RASGRP3: variants seen among roughly 807,000 people sequenced by gnomAD.
The protein encoded by RASGRP3 is RAS guanyl releasing protein 3.
In RASGRP3, 54 loss-of-function variants were observed where a neutral mutation model predicts 82.7. The ratio of observed to expected loss-of-function variants is 0.65; its 90% CI spans 0.52 to 0.82. The LOEUF is 0.82. Ranked by LOEUF, RASGRP3 falls within the 40% of genes least tolerant of loss-of-function variation. The pLI, the probability that RASGRP3 is intolerant of heterozygous loss-of-function variation, is 0.00. For missense variants in RASGRP3, 861 were observed against 828.9 expected (o/e 1.04, Z -0.48); for synonymous variants, 309 against 300.5 (o/e 1.03, Z -0.29).
chr2:33,521,559 C>A (rs1444656088), intron 6 of RASGRP3, among the ~76,000 whole-genome samples: 3 of 152,222 alleles, frequency 2.0e-5, no homozygotes, highest in East Asian at 3.8e-4. Context: ...TTATAACAAG[C>A]TTTTCAGATA....
intron 11 of RASGRP3, among the ~76,000 whole-genome samples, chr2:33,536,942 G>A (rs1479020714): frequency 2.0e-5 from 3 of 152,188 alleles, no homozygotes; most frequent in African/African-American, 7.2e-5. Flanking sequence ...AGCAGTTGCT[G>A]TCCATGGATG....
intron 1 of RASGRP3, chr2:33,481,102 A>G (rs1296087503): frequency 8.5e-5 from 13 of 152,212 alleles, no homozygotes; most frequent in Admixed American, 7.9e-4. Flanking sequence ...GCTCAACTAT[A>G]TCTCTTGTCT....
chr2:33,459,732 G>A (rs1437728185), intron 2 of RASGRP3, among the ~76,000 whole-genome samples: 1 of 152,144 alleles, frequency 6.6e-6, no homozygotes. Context: ...CAGTATAAAT[G>A]CAATGAAGCC....
Position 33,523,973 on chromosome 2 carries a change from G to A in RASGRP3, c.611G>A (p.Trp204Ter). The A allele has an allele frequency of 6.2e-7, 1 of 1,613,906 alleles. No individual in the cohort carries two copies. Among genetic ancestry groups the A allele is most frequent in the Non-Finnish European group, 8.5e-7 (1 of 1,179,824 alleles). The change falls in exon 8 of 18, where the codon TGG becomes TAG. Residue 204 changes from tryptophan (W) to a stop codon, truncating the protein, a stop_gained. Transcript: ENST00000403687. LOFTEE classifies it high-confidence loss of function. ...GCTTTATTTAATGGAATCTCTAAGT[G>A]GGTCCAGTTGATGGTTCTTAGCAAA... Reference protein sequence around the residue: ...SIALFNGISKWVQLMVLSKPT... With the variant: ...SIALFNGISK
intron 10 of RASGRP3, among the ~76,000 whole-genome samples, chr2:33,528,393 C>A (rs1324851531): frequency 6.6e-6 from 1 of 152,168 alleles, no homozygotes; most frequent in Non-Finnish European, 1.5e-5. Flanking sequence ...CTTTTAGACA[C>A]AACGGTGTAT....
At position 33,558,348 on chromosome 2, in the gene RASGRP3, T is replaced by C; in HGVS notation, c.1705+12T>C. On this transcript the variant is annotated intron_variant, in intron 16 of 17. Coordinates refer to ENST00000403687, the MANE Select transcript of RASGRP3 (RefSeq NM_001139488.2). ...CTCGCTGCCCCCAGGTAATGCCCTC[T>C]GCTTTCTTTGCTGCCATGGTCTCTT... The C allele has an allele frequency of 2.5e-6, 4 of 1,612,854 alleles. No individual in the cohort carries two copies. Among genetic ancestry groups the C allele is most frequent in the Non-Finnish European group, 3.4e-6 (4 of 1,179,872 alleles).
At chr2:33,498,250 A>G (rs1669517551) in intron 1 of RASGRP3, among the ~76,000 whole-genome samples, 1 of 152,308 alleles carries the variant, frequency 6.6e-6, no homozygotes, top group East Asian at 1.9e-4. Context: ...TAGTTCTCAT[A>G]ACAACCCTAC....
chr2:33,484,597 G>A (rs1668207261), intron 1 of RASGRP3, among the ~76,000 whole-genome samples: 2 of 151,768 alleles, frequency 1.3e-5, no homozygotes, highest in South Asian at 4.2e-4. Context: ...AGATTTCTCT[G>A]TAATCCATTT....
At chr2:33,441,767 T>G (rs1665237700) in intron 1 of RASGRP3, among the ~76,000 whole-genome samples, 1 of 152,362 alleles carries the variant, frequency 6.6e-6, no homozygotes, top group South Asian at 2.1e-4. Flanking sequence ...AATATTTACT[T>G]CAAAATACAC....
At chr2:33,547,053 GAAAAAAA>G (rs767124838) in intron 13 of RASGRP3, among the ~76,000 whole-genome samples, 2,225 of 123,906 alleles carry the variant, frequency 0.018, 66 homozygotes, top group African/African-American at 0.062. Context: ...CTGTCTCAGG[GAAAAAAA>G]AAAAAAAAAA....
At chr2:33,531,403 G>C (rs1673097990) in intron 10 of RASGRP3, among the ~76,000 whole-genome samples, 2 of 152,348 alleles carry the variant, frequency 1.3e-5, no homozygotes, top group South Asian at 4.1e-4. Flanking sequence ...GAGGAGATCT[G>C]AGAGAGGAAG....
intron 1 of RASGRP3, among the ~76,000 whole-genome samples, chr2:33,503,062 A>G (rs1574359581): frequency 6.6e-6 from 1 of 152,306 alleles, no homozygotes; most frequent in African/African-American, 2.4e-5. Flanking sequence ...CCATATGTAA[A>G]TCTGTTATTA....
At chr2:33,471,548 T>C (rs1374050130) in intron 2 of RASGRP3, among the ~76,000 whole-genome samples, 1 of 152,014 alleles carries the variant, frequency 6.6e-6, no homozygotes, top group East Asian at 1.9e-4. Context: ...TTCTTTATTA[T>C]GCTTTATCAG....
At chr2:33,543,697 G>C (rs534105048) in intron 13 of RASGRP3, 70 bp downstream of exon 13, 1 of 1,111,758 alleles carries the variant, frequency 9.0e-7, no homozygotes. Flanking sequence ...GAGGAGAGAA[G>C]GGAAACTTGT....
intron 1 of RASGRP3, among the ~76,000 whole-genome samples, chr2:33,490,675 T>G (rs7561821): frequency 0.44 from 66,684 of 152,058 alleles, 15,502 homozygotes; most frequent in African/African-American, 0.59. Flanking sequence ...CTCTTGTCCT[T>G]CCTCTTTATA....
chr2:33,543,574 T>A lies in RASGRP3; in HGVS notation c.1341T>A (p.Ser447Arg), dbSNP rs1674468829. The A allele has an allele frequency of 6.2e-7, 1 of 1,612,316 alleles. No homozygotes were observed. Among genetic ancestry groups the A allele is most frequent in the East Asian group, 2.2e-5 (1 of 44,864 alleles). The change falls in exon 13 of 18, where the codon AGT (serine) becomes AGA (arginine). Residue 447 changes from serine (S) to arginine (R), a missense_variant. Coordinates refer to ENST00000403687, the MANE Select transcript of RASGRP3 (RefSeq NM_001139488.2). ...ACATTTCCCAAGAGGACTTTGAAAG[T>A]ATAGCTGCCAATTTTCCCTTCTTGG... Reference protein sequence around the residue: ...DGYISQEDFESIAANFPFLDS... With the variant: ...DGYISQEDFERIAANFPFLDS...
chr2:33,484,181 G>T (rs1668169225), intron 1 of RASGRP3, among the ~76,000 whole-genome samples: 1 of 152,182 alleles, frequency 6.6e-6, no homozygotes, highest in Non-Finnish European at 1.5e-5. Context: ...GCACACATGG[G>T]TTGCTTTTCA....
At chr2:33,450,019 G>A (rs1052169099) in intron 2 of RASGRP3, among the ~76,000 whole-genome samples, 1 of 152,196 alleles carries the variant, frequency 6.6e-6, no homozygotes, top group African/African-American at 2.4e-5. Flanking sequence ...GTTGCAGTCA[G>A]TTGTCACTTG....
In RASGRP3 at chr2:33,558,836, G is replaced by A. The variant is rs751106969; in HGVS notation, c.1870G>A (p.Gly624Ser). ...TQTEPVWSEA[G>S]WGDSGSHTFP... The stretch of plus-strand genomic sequence containing the variant: ...GACTGAACCTGTCTGGTCAGAGGCT[G>A]GCTGGGGGGACTCGGGGTCCCACAC... The change falls in exon 17 of 18, where the codon GGC becomes AGC. Residue 624 changes from glycine (G) to serine (S), a missense_variant. Gly to Ser is a moderately conservative substitution (Grantham distance 56). Transcript: ENST00000403687. The A allele has an allele frequency of 6.2e-7, 1 of 1,614,012 alleles. No homozygotes were observed. Among genetic ancestry groups the A allele is most frequent in the Admixed American group, 1.7e-5 (1 of 60,028 alleles).
Sources: allele counts gnomAD v4.1 joint callset (sites outside exome capture counted in the v4.1 genomes callset), GRCh38; gene constraint gnomAD v4.1.1; transcripts MANE v1.5; gene names NCBI Gene and HGNC (gene_info 2026-07-23, HGNC 2026-07-21).